The following KCTD4 variants were observed in gnomAD, a reference collection of about 807,000 sequenced individuals.
KCTD4 encodes BTB/POZ domain-containing protein KCTD4.
KCTD4 carries 12 observed loss-of-function variants against 18.3 expected under a neutral mutation model. That is an observed-to-expected ratio of 0.66 (90% confidence interval 0.42 to 1.06). The LOEUF (loss-of-function observed/expected upper bound fraction) is 1.06. Among genes scored for constraint, KCTD4 ranks in the 50% least tolerant of loss-of-function variants. The pLI is 0.00. For missense variants in KCTD4, 250 were observed against 303.4 expected (o/e 0.82, Z 1.31); for synonymous variants, 124 against 110.5 (o/e 1.12, Z -0.76).
intron 1 of KCTD4, among the ~76,000 whole-genome samples, chr13:45,195,559 G>A (rs1415554622): frequency 6.6e-6 from 1 of 152,142 alleles, no homozygotes; most frequent in Non-Finnish European, 1.5e-5. Flanking sequence ...TTCACAGTGG[G>A]CAAAATAAAT....
rs371658910 is a variant in KCTD4, at chr13:45,194,358, C to T, written c.210G>A (p.Pro70=). The change falls in exon 2 of 2, where the codon CCG becomes CCA. Residue 70 remains proline (P), a synonymous_variant. Transcript: ENST00000379108. ...EGIVNGKILC[P]FDADGHYFID... is the part of the protein sequence containing the mutation. ...TGAAATAATGACCATCAGCATCAAA[C>T]GGGCAGAGGATTTTTCCATTTACTA... 21 of 1,613,998 alleles carry T rather than the reference C, an allele frequency of 1.3e-5. No individual in the cohort carries two copies. The highest frequency in any genetic ancestry group is 1.6e-5 in the Non-Finnish European group (19 of 1,180,004).
chr13:45,193,699 T>G lies in KCTD4; in HGVS notation c.*89A>C, dbSNP rs1309222663. On this transcript the variant is annotated 3_prime_UTR_variant, in exon 2 of 2. Coordinates refer to ENST00000379108, the MANE Select transcript of KCTD4 (RefSeq NM_198404.3). ...CAGGGCTCTGTAGTACAGAGCTAGC[T>G]GGGCATGTTATTTGGGATGTCTTTG... 4 of 1,210,080 alleles carry G rather than the reference T, an allele frequency of 3.3e-6. No individual in the cohort carries two copies. Among genetic ancestry groups the G allele is most frequent in the Non-Finnish European group, 4.7e-6 (4 of 854,768 alleles). The allele number at this position is 1,210,080 out of a possible 1,614,324, so 75.0% of individuals were successfully genotyped here.
rs369513732 is a variant in KCTD4 at position 45,194,474 on chromosome 13, A to C, written c.94T>G (p.Ser32Ala). The change falls in exon 2 of 2, where the codon TCC becomes GCC. Residue 32 changes from serine (S) to alanine (A), a missense_variant. Physicochemically the swap from Ser to Ala is moderately conservative, Grantham distance 99 (BLOSUM62 1). Transcript: ENST00000379108. The part of the protein sequence containing the change: ...EDTDQGKNCK[S>A]TLMTLNVGGY... Reference sequence around the variant, plus strand: ...CCAACGTTGAGGGTCATCAGTGTGGATTTGCAGTTCTTTCCTTGATCAGTA... The same window carrying C: ...CCAACGTTGAGGGTCATCAGTGTGGCTTTGCAGTTCTTTCCTTGATCAGTA... 1 of 1,614,048 alleles carries C rather than the reference A, an allele frequency of 6.2e-7. No homozygotes were observed.
chr13:45,196,381 T>G (rs1042745714), intron 1 of KCTD4, among the ~76,000 whole-genome samples: 11 of 152,222 alleles, frequency 7.2e-5, no homozygotes, highest in Non-Finnish European at 1.6e-4. Flanking sequence ...TACTCTTATA[T>G]TCTGACAATC....
rs1196883598 is a variant in KCTD4, at chr13:45,193,941, T to G, written c.627A>C (p.Val209=). The change falls in exon 2 of 2, where the codon GTA becomes GTC. Residue 209 remains valine, a synonymous_variant. Transcript: ENST00000379108. ...FIKSENGTRL[V]LKEDNTFVCT... is the part of the protein sequence containing the mutation. Reference sequence around the variant, plus strand: ...AGACAAAGGTGTTGTCTTCCTTTAGTACAAGTCGAGTGCCATTTTCAGACT... The same window carrying G: ...AGACAAAGGTGTTGTCTTCCTTTAGGACAAGTCGAGTGCCATTTTCAGACT... 1.9e-6 allele frequency: 3 copies of G among 1,614,180 alleles called. No homozygotes were observed. Among genetic ancestry groups the G allele is most frequent in the Non-Finnish European group, 2.5e-6 (3 of 1,180,006 alleles).
intron 1 of KCTD4, among the ~76,000 whole-genome samples, chr13:45,200,527 C>T (rs1251909633): frequency 6.6e-6 from 1 of 152,140 alleles, no homozygotes; most frequent in Non-Finnish European, 1.5e-5. Context: ...AGGCTGGGCT[C>T]AAGCTATGCT....
rs772117077 is a variant in KCTD4, at chr13:45,194,312, AGAG to A, written c.253_255del (p.Leu85del). 1 of 1,614,194 alleles carries A rather than the reference AGAG, an allele frequency of 6.2e-7. No individual in the cohort carries two copies. The highest frequency in any genetic ancestry group is 8.5e-7 in the Non-Finnish European group (1 of 1,180,028). ...CGTAGGAAGTTTAGGACATGCCTGA[AGAG>A]GAGACCATCCCTGTCTATGAAATAA... On this transcript the variant is annotated inframe_deletion, in exon 2 of 2. Coordinates refer to ENST00000379108, the MANE Select transcript of KCTD4 (RefSeq NM_198404.3).
chr13:45,193,828 C>G lies in KCTD4; in HGVS notation c.740G>C (p.Gly247Ala). The G allele has an allele frequency of 2.5e-6, 4 of 1,608,718 alleles. No individual in the cohort carries two copies. Among genetic ancestry groups the G allele is most frequent in the Non-Finnish European group, 3.4e-6 (4 of 1,178,532 alleles). Reference protein sequence around the residue: ...RLLTSLDCSKGSIVHSDALHF... With the variant: ...RLLTSLDCSKASIVHSDALHF... ...AAGTGCATCGCTGTGAACAATTGAC[C>G]CTTTGGAACAATCCAGGCTGGTCAG... is the stretch of plus-strand genomic sequence containing the variant. The change falls in exon 2 of 2, where the codon GGG (glycine) becomes GCG (alanine). Residue 247 changes from glycine (G) to alanine (A), a missense_variant. Physicochemically the swap from Gly to Ala is moderately conservative, Grantham distance 60. Transcript: ENST00000379108.
chr13:45,194,637 A>G lies in KCTD4; in HGVS notation c.-70T>C. 3 of 1,354,870 alleles carry G rather than the reference A, an allele frequency of 2.2e-6. No homozygotes were observed. The highest frequency in any genetic ancestry group is 3.1e-6 in the Non-Finnish European group (3 of 975,064). The allele number at this position is 1,354,870 out of a possible 1,614,324, so 83.9% of individuals were successfully genotyped here. A position where few individuals can be genotyped will look rare whatever the true frequency, so the allele number is the denominator to read the frequency against. ...TTTTTAAAAAGAGACACTACCACAC[A>G]AGCACGCCTTTATTCAGCCCCAGCC... On this transcript the variant is annotated 5_prime_UTR_variant, in exon 2 of 2. Transcript: ENST00000379108.
At chr13:45,195,279 A>G (rs1400571350) in intron 1 of KCTD4, among the ~76,000 whole-genome samples, 1 of 151,704 alleles carries the variant, frequency 6.6e-6, no homozygotes, top group Non-Finnish European at 1.5e-5. Context: ...TATTTTATTT[A>G]CCCTAAAAGT....
intron 1 of KCTD4, among the ~76,000 whole-genome samples, chr13:45,196,498 G>A (rs1376001290): frequency 6.6e-6 from 1 of 152,162 alleles, no homozygotes; most frequent in Non-Finnish European, 1.5e-5. Flanking sequence ...AACTCTGGAA[G>A]TACATTCATG....
Position 45,198,326 on chromosome 13 carries a change from A to G in KCTD4, c.-188+2498T>C, listed in dbSNP as rs559312049. Among the ~76,000 whole-genome samples the G allele has an allele frequency of 3.3e-5, 5 of 152,338 alleles. No homozygotes were observed. In the South Asian group the frequency reaches 1.0e-3, roughly 32 times the overall value. Reference sequence around the variant, plus strand: ...TCATTGTAATATATACACTTGCTCCATTTATATGCCAGAGATACTCCCATG... The same window carrying G: ...TCATTGTAATATATACACTTGCTCCGTTTATATGCCAGAGATACTCCCATG... On this transcript the variant is annotated intron_variant, in intron 1 of 1. Coordinates refer to ENST00000379108, the MANE Select transcript of KCTD4 (RefSeq NM_198404.3).
chr13:45,199,869 G>A (rs1466285888), intron 1 of KCTD4, among the ~76,000 whole-genome samples: 7 of 152,162 alleles, frequency 4.6e-5, no homozygotes, highest in African/African-American at 1.7e-4. Context: ...ATCTGCTTGT[G>A]TCTTCAGTGA....
intron 1 of KCTD4, among the ~76,000 whole-genome samples, 118 bp downstream of exon 1, chr13:45,200,706 C>T (rs2138182312): frequency 6.6e-6 from 1 of 152,264 alleles, no homozygotes; most frequent in Middle Eastern, 3.4e-3. Context: ...ATGCTAGTAC[C>T]TTTTATTAGT....
rs574732217 is a variant in KCTD4 at position 45,198,957 on chromosome 13, T to C, written c.-188+1867A>G. ...TTTCCCATGTTAATGTAATTCTTTT[T>C]GAGTGTCCAAATTTTAGTTCTATTT... is the stretch of plus-strand genomic sequence containing the variant. On this transcript the variant is annotated intron_variant, in intron 1 of 1. Transcript: ENST00000379108. Among the ~76,000 whole-genome samples the C allele has an allele frequency of 2.2e-4, 33 of 152,354 alleles. No individual in the cohort carries two copies. The South Asian group carries it at 6.0e-3, about 28-fold the overall frequency.
chr13:45,199,720 C>T (rs1873081266), intron 1 of KCTD4, among the ~76,000 whole-genome samples: 2 of 152,274 alleles, frequency 1.3e-5, no homozygotes, highest in East Asian at 1.9e-4. Context: ...TAACCATTAT[C>T]TACAATCTCA....
In KCTD4 at chr13:45,194,220, G is replaced by T. The variant is rs911837661; in HGVS notation, c.348C>A (p.Phe116Leu). The change falls in exon 2 of 2, where the codon TTC becomes TTA. Residue 116 changes from phenylalanine (F) to leucine (L), a missense_variant. By Grantham distance (22) the Phe-to-Leu change is conservative (BLOSUM62 0). Transcript: ENST00000379108. ...CCTCTGCCAGTCCCTTGAGCTGAAA[G>T]AATTCTGCTTCTTGTGCAAGAAGTT... ...ENQLLAQEAE[F>L]FQLKGLAEEV... 2 of 1,614,014 alleles carry T rather than the reference G, an allele frequency of 1.2e-6. No individual in the cohort carries two copies. Among genetic ancestry groups the T allele is most frequent in the African/African-American group, 1.3e-5 (1 of 74,910 alleles).
chr13:45,193,596 C>T lies in KCTD4; in HGVS notation c.*192G>A. ...TTCATTTTAGGTGGAAGAGTCTGAT[C>T]AGTAGGAACACCCCAGAGGAAGGAC... On this transcript the variant is annotated 3_prime_UTR_variant, in exon 2 of 2. Coordinates refer to ENST00000379108, the MANE Select transcript of KCTD4 (RefSeq NM_198404.3). 1 of 533,236 alleles carries T rather than the reference C, an allele frequency of 1.9e-6. No homozygotes were observed. The highest frequency in any genetic ancestry group is 3.3e-6 in the Non-Finnish European group (1 of 304,138). 33.0% of individuals were successfully genotyped at this position (533,236 alleles called of 1,614,324 possible).
intron 1 of KCTD4, among the ~76,000 whole-genome samples, chr13:45,197,075 A>G (rs1412373356): frequency 6.6e-6 from 1 of 151,764 alleles, no homozygotes; most frequent in Non-Finnish European, 1.5e-5. Context: ...TGCAAAGTTG[A>G]CATGTGTGAT....
Sources: allele counts gnomAD v4.1 joint callset (sites outside exome capture counted in the v4.1 genomes callset), GRCh38; gene constraint gnomAD v4.1.1; transcripts MANE v1.5; gene names NCBI Gene and HGNC (gene_info 2026-07-23, HGNC 2026-07-21).